The following OCRL variants were observed in gnomAD, a reference collection of about 807,000 sequenced individuals.
The protein encoded by OCRL is OCRL inositol polyphosphate-5-phosphatase.
A neutral mutation model predicts 78.9 loss-of-function variants in OCRL; 8 were observed. The ratio of observed to expected loss-of-function variants is 0.10; its 90% CI spans 0.06 to 0.18. The LOEUF (loss-of-function observed/expected upper bound fraction) is 0.18, where lower values mean the gene tolerates loss of function less well. Among genes scored for constraint, OCRL ranks in the 10% least tolerant of loss-of-function variants. The pLI is 1.00. For synonymous variants in OCRL, 240 were observed against 235.4 expected (o/e 1.02, Z -0.18); for missense variants, 454 against 696.7 (o/e 0.65, Z 3.92).
chrX:129,577,625 C>T lies in OCRL; in HGVS notation c.2115+1073C>T, dbSNP rs749534416. Among the ~76,000 whole-genome samples, 140 of 111,375 alleles carry T rather than the reference C, an allele frequency of 1.3e-3. 3 individuals are homozygous for T. Among genetic ancestry groups the T allele is most frequent in the South Asian group, 7.6e-4 (2 of 2,622 alleles). On this transcript the variant is annotated intron_variant, in intron 18 of 23. Coordinates refer to ENST00000371113, the MANE Select transcript of OCRL (RefSeq NM_000276.4). ...GGCAGGCTGCTGGCTTGTCTGAGTC[C>T]GATCTGTTCTGTTGCCATGGAATTG...
chrX:129,559,148 G>A, intron 8 of OCRL, 147 bp downstream of exon 8: 1 of 521,870 alleles, frequency 1.9e-6, no homozygotes, highest in South Asian at 3.4e-5. Flanking sequence ...TCTCTATGCT[G>A]GCCAATAACA....
chrX:129,540,277 TCAGCTCCCAGCTCCCCGCTCC>T lies in OCRL; in HGVS notation c.-161_-141del. ...CGCCGCTCTCTCTTGGGTCAGATTC[TCAGCTCCCAGCTCCCCGCTCC>T]CGGCTCCCGGCGCCCGGCGCCCGGC... On this transcript the variant is annotated 5_prime_UTR_variant, in exon 1 of 24. Coordinates refer to ENST00000371113, the MANE Select transcript of OCRL (RefSeq NM_000276.4). 1.8e-6 allele frequency: 1 copy of T among 569,027 alleles called. No individual in the cohort carries two copies. The highest frequency in any genetic ancestry group is 2.9e-6 in the Non-Finnish European group (1 of 349,667). The allele number at this position is 569,027 out of a possible 1,213,427, so 46.9% of individuals were successfully genotyped here.
chrX:129,558,076 T>C (rs1936087324), intron 6 of OCRL, 126 bp downstream of exon 6: 2 of 541,797 alleles, frequency 3.7e-6, no homozygotes, highest in South Asian at 2.4e-5. Context: ...AGTAGTTTTA[T>C]CAAGTCCAGG....
At chrX:129,565,687 A>ATC (rs1936207981) in intron 12 of OCRL, 85 bp from the exon 13 acceptor site, 3 of 716,765 alleles carry the variant, frequency 4.2e-6, no homozygotes, top group Non-Finnish European at 6.7e-6. Context: ...CTTATCAATA[A>ATC]TCTACCCATT....
intron 19 of OCRL, among the ~76,000 whole-genome samples, chrX:129,585,421 A>G (rs988939986): frequency 8.9e-6 from 1 of 112,266 alleles, no homozygotes; most frequent in Non-Finnish European, 1.9e-5. Flanking sequence ...TGGATGTCAG[A>G]CTTTTTAAAA....
At chrX:129,547,639 A>G (rs1935906638) in intron 3 of OCRL, among the ~76,000 whole-genome samples, 1 of 111,731 alleles carries the variant, frequency 9.0e-6, no homozygotes, top group Admixed American at 9.5e-5. Flanking sequence ...TTGATGCCCT[A>G]ATTCCCCTTG....
Position 129,540,288 on chromosome X carries a change from C to A in OCRL, c.-152C>A. The A allele has an allele frequency of 1.6e-6, 1 of 609,113 alleles. No individual in the cohort carries two copies. Among genetic ancestry groups the A allele is most frequent in the Non-Finnish European group, 2.6e-6 (1 of 383,389 alleles). The allele number at this position is 609,113 out of a possible 1,213,427, so 50.2% of individuals were successfully genotyped here. A position where few individuals can be genotyped will look rare whatever the true frequency, so the allele number is the denominator to read the frequency against. ...CTTGGGTCAGATTCTCAGCTCCCAG[C>A]TCCCCGCTCCCGGCTCCCGGCGCCC... On this transcript the variant is annotated 5_prime_UTR_variant, in exon 1 of 24. Transcript: ENST00000371113.
In OCRL at chrX:129,558,671, T is replaced by G; in HGVS notation, c.478T>G (p.Leu160Val). 3 of 1,211,552 alleles carry G rather than the reference T, an allele frequency of 2.5e-6. No homozygotes were observed. Among genetic ancestry groups the G allele is most frequent in the Non-Finnish European group, 3.4e-6 (3 of 895,134 alleles). The stretch of plus-strand genomic sequence containing the variant: ...TGAAGACAATTTTTCTTCTATGAAT[T>G]TGGACAAGAAAATAAATTCACAAAA... ...GFEDNFSSMN[L>V]DKKINSQNQP... The change falls in exon 7 of 24, where the codon TTG becomes GTG. Residue 160 changes from leucine to valine, a missense_variant. Coordinates refer to ENST00000371113, the MANE Select transcript of OCRL (RefSeq NM_000276.4).
intron 15 of OCRL, among the ~76,000 whole-genome samples, chrX:129,573,089 A>G (rs913289632): frequency 8.9e-5 from 10 of 112,350 alleles, no homozygotes; most frequent in African/African-American, 2.9e-4. Context: ...ATGCTATACT[A>G]TGGACCCTGG....
At position 129,574,979 on chromosome X, in the gene OCRL, C is replaced by T. The variant is rs2239747; in HGVS notation, c.1603-161C>T. On this transcript the variant is annotated intron_variant, in intron 15 of 23. Transcript: ENST00000371113. ...GGATCTGTTTTCTTTCAGGTGCAAG[C>T]TGTGGATGAAGCAAGATATAGAGAG... is the stretch of plus-strand genomic sequence containing the variant. Among the ~76,000 whole-genome samples, 23,928 of 111,449 alleles carry T rather than the reference C, an allele frequency of 0.21. 4,442 individuals are homozygous for T. Among genetic ancestry groups the T allele is most frequent in the East Asian group, 0.73 (2,556 of 3,515 alleles).
In OCRL at chrX:129,586,079, T is replaced by A. The variant is rs145172139; in HGVS notation, c.2140-923T>A. On this transcript the variant is annotated intron_variant, in intron 19 of 23. Coordinates refer to ENST00000371113, the MANE Select transcript of OCRL (RefSeq NM_000276.4). ...GATTTTTATGAAGGGTGCCTTCAGG[T>A]GCCTTTACTATTTCAAACATTTTTT... is the stretch of plus-strand genomic sequence containing the variant. 2.3e-3 allele frequency among the ~76,000 whole-genome samples: 252 copies of A among 111,537 alleles called. 4 individuals carry two copies. The East Asian group carries it at 0.065, about 29-fold the overall frequency.
At chrX:129,564,669 A>G (rs902106457) in intron 12 of OCRL, among the ~76,000 whole-genome samples, 1 of 109,796 alleles carries the variant, frequency 9.1e-6, no homozygotes, top group African/African-American at 3.3e-5. Flanking sequence ...GGAATTGAAC[A>G]ATGAGAACAC....
rs759298144 is a variant in OCRL, at chrX:129,573,766, GC to G, written c.1603-1373del. Among the ~76,000 whole-genome samples the G allele has an allele frequency of 7.2e-5, 8 of 111,010 alleles. No individual in the cohort carries two copies. The East Asian group carries it at 1.4e-3, about 20-fold the overall frequency. On this transcript the variant is annotated intron_variant, in intron 15 of 23. Transcript: ENST00000371113. Reference sequence around the variant, plus strand: ...GTAGAGACAGAGTTTCACCGTGTTGGCTGGGGTGGTTTCGAACTCCTGACCT... The same window carrying G: ...GTAGAGACAGAGTTTCACCGTGTTGGTGGGGTGGTTTCGAACTCCTGACCT...
chrX:129,540,656 G>GGA (rs1935781241), intron 1 of OCRL, 88 bp from the exon 2 acceptor site: 2 of 774,119 alleles, frequency 2.6e-6, no homozygotes, highest in East Asian at 6.8e-5. Context: ...GGCGGCGGTG[G>GGA]GGGGGGGGTG....
Position 129,591,734 on chromosome X carries a change from G to C in OCRL, c.*1464G>C, listed in dbSNP as rs778515290. On this transcript the variant is annotated 3_prime_UTR_variant, in exon 24 of 24. Transcript: ENST00000371113. ...ATTTCTCCTGTTTCTTGGTGGGGGTGGGGGGGAAGGTACGTATTCTGCAAT... is the reference window on the plus strand; with the variant it reads ...ATTTCTCCTGTTTCTTGGTGGGGGTCGGGGGGAAGGTACGTATTCTGCAAT... The C allele has an allele frequency of 1.9e-5, 2 of 106,948 alleles. No individual in the cohort carries two copies. Among genetic ancestry groups the C allele is most frequent in the South Asian group, 4.0e-4 (1 of 2,488 alleles). 8.8% of individuals were successfully genotyped at this position (106,948 alleles called of 1,213,427 possible). A position where few individuals can be genotyped will look rare whatever the true frequency, so the allele number is the denominator to read the frequency against.
At chrX:129,556,460 C>G (rs1465106279) in intron 4 of OCRL, among the ~76,000 whole-genome samples, 1 of 111,773 alleles carries the variant, frequency 8.9e-6, no homozygotes, top group Non-Finnish European at 1.9e-5. Context: ...TACCCTGCCT[C>G]TTGCCCTTAA....
chrX:129,576,554 TA>T lies in OCRL; in HGVS notation c.2115+4del. 1 of 1,153,646 alleles carries T rather than the reference TA, an allele frequency of 8.7e-7. No individual in the cohort carries two copies. On this transcript the variant is annotated splice_donor_region_variant and intron_variant, in intron 18 of 23. Transcript: ENST00000371113. ...CCTGTTACCAAACTCATAGACTTGG[TA>T]AGAACTGTCCCAAGACATAAACCTC... is the stretch of plus-strand genomic sequence containing the variant.
At chrX:129,586,884 A>C in intron 19 of OCRL, 118 bp from the exon 20 acceptor site, 4 of 582,209 alleles carry the variant, frequency 6.9e-6, no homozygotes, top group Non-Finnish European at 1.2e-5. Flanking sequence ...GAAATGGAAA[A>C]TCTTAAGAGA....
chrX:129,586,947 C>T, intron 19 of OCRL, 55 bp from the exon 20 acceptor site: 2 of 782,690 alleles, frequency 2.6e-6, no homozygotes, highest in Middle Eastern at 2.8e-4. Context: ...TTAAGTTATA[C>T]ACCAAAGTCT....
Sources: allele counts gnomAD v4.1 joint callset (sites outside exome capture counted in the v4.1 genomes callset), GRCh38; gene constraint gnomAD v4.1.1; transcripts MANE v1.5; gene names NCBI Gene and HGNC (gene_info 2026-07-23, HGNC 2026-07-21).